LPAR1: variants seen among roughly 807,000 people sequenced by gnomAD.
LPAR1 encodes lysophosphatidic acid receptor 1, also known as LPA receptor 1.
In LPAR1, 5 loss-of-function variants were observed where a neutral mutation model predicts 23.8. The observed-to-expected ratio is 0.21, with a 90% CI of 0.11 to 0.44. The LOEUF is 0.44. Ranked by LOEUF, LPAR1 falls within the 20% of genes least tolerant of loss-of-function variation. The pLI is 0.99. For missense variants in LPAR1, 311 were observed against 482.8 expected, an observed-to-expected ratio of 0.64 and a Z score of 3.33; for synonymous variants, 160 against 164.7, an observed-to-expected ratio of 0.97 and a Z score of 0.22.
intron 5 of LPAR1, among the ~76,000 whole-genome samples, chr9:110,932,533 A>T (rs2094473040): frequency 6.6e-6 from 1 of 152,216 alleles, no homozygotes. Flanking sequence ...GAAACAGAAT[A>T]ACAGAATGGT....
chr9:111,032,138 T>G (rs890274146), intron 2 of LPAR1, among the ~76,000 whole-genome samples: 2 of 152,192 alleles, frequency 1.3e-5, no homozygotes, highest in Non-Finnish European at 2.9e-5. Context: ...AAATGAAAAC[T>G]AGAATTACCA....
At chr9:111,035,684 TC>T (rs2097880512) in intron 2 of LPAR1, among the ~76,000 whole-genome samples, 1 of 152,286 alleles carries the variant, frequency 6.6e-6, no homozygotes, top group Admixed American at 6.5e-5. Context: ...TAAATAATGT[TC>T]CTCAAGGGTG....
chr9:110,884,213 C>T (rs1254262042), intron 5 of LPAR1, among the ~76,000 whole-genome samples: 1 of 152,102 alleles, frequency 6.6e-6, no homozygotes, highest in African/African-American at 2.4e-5. Flanking sequence ...ATCACAATCC[C>T]CCTAACCATG....
intron 2 of LPAR1, among the ~76,000 whole-genome samples, chr9:111,016,179 A>G (rs2097441461): frequency 6.6e-6 from 1 of 152,148 alleles, no homozygotes; most frequent in African/African-American, 2.4e-5. Flanking sequence ...TTCCCCACCC[A>G]GATTAATCAC....
intron 4 of LPAR1, among the ~76,000 whole-genome samples, chr9:110,969,231 G>A (rs531275508): frequency 6.6e-6 from 1 of 152,116 alleles, no homozygotes; most frequent in African/African-American, 2.4e-5. Flanking sequence ...TGTTAAGAAT[G>A]TATGTTCTAG....
At chr9:110,895,437 G>A (rs950942899) in intron 5 of LPAR1, among the ~76,000 whole-genome samples, 5 of 152,254 alleles carry the variant, frequency 3.3e-5, no homozygotes, top group African/African-American at 4.8e-5. Context: ...ATTGCAGCAC[G>A]GGGCCCCCTA....
chr9:110,929,182 T>C (rs559776450), intron 5 of LPAR1, among the ~76,000 whole-genome samples: 32 of 152,298 alleles, frequency 2.1e-4, no homozygotes, highest in African/African-American at 7.7e-4. Flanking sequence ...ATCATTATAA[T>C]AACTCCTCTA....
intron 1 of LPAR1, among the ~76,000 whole-genome samples, chr9:111,037,233 AT>A (rs771270637): frequency 5.9e-5 from 9 of 152,318 alleles, no homozygotes; most frequent in African/African-American, 1.9e-4. Context: ...CATTTTCAAT[AT>A]TTATGTTTAC....
intron 5 of LPAR1, among the ~76,000 whole-genome samples, chr9:110,911,960 G>A (rs527482998): frequency 1.1e-4 from 16 of 152,136 alleles, no homozygotes; most frequent in South Asian, 2.1e-4. Flanking sequence ...ACGGCCAGCC[G>A]GAAAGCAGAA....
intron 5 of LPAR1, among the ~76,000 whole-genome samples, chr9:110,882,411 T>C (rs2081133876): frequency 6.6e-6 from 1 of 152,178 alleles, no homozygotes; most frequent in African/African-American, 2.4e-5. Flanking sequence ...TAAGTAGAAA[T>C]GTCATTAAAT....
At chr9:110,946,681 C>T (rs80306961) in intron 4 of LPAR1, among the ~76,000 whole-genome samples, 3,693 of 148,934 alleles carry the variant, frequency 0.025, 135 homozygotes, top group African/African-American at 0.09. Flanking sequence ...AAAATAAATA[C>T]ACACACACAC....
At chr9:111,034,444 A>C (rs1006803601) in intron 2 of LPAR1, among the ~76,000 whole-genome samples, 15 of 152,238 alleles carry the variant, frequency 9.9e-5, no homozygotes, top group African/African-American at 3.1e-4. Context: ...CTGTGCCTGC[A>C]GAATGACTTC....
chr9:110,934,093 G>A (rs187000432), intron 5 of LPAR1, among the ~76,000 whole-genome samples: 94 of 152,302 alleles, frequency 6.2e-4, no homozygotes, highest in Middle Eastern at 3.4e-3. Context: ...ATGGATATTC[G>A]CTCAGGTTCT....
intron 5 of LPAR1, among the ~76,000 whole-genome samples, chr9:110,889,284 G>A (rs2083355721): frequency 6.6e-6 from 1 of 152,142 alleles, no homozygotes; most frequent in South Asian, 2.1e-4. Flanking sequence ...TGTGAAGCCG[G>A]GAGGCGGAGC....
chr9:111,019,288 T>C lies in LPAR1; in HGVS notation c.-182+16834A>G, dbSNP rs572631363. ...AGCCTGGTCAACATCGCAAGACACC[T>C]TCTCTATTAAAAATAATAATAATAG... On this transcript the variant is annotated intron_variant, in intron 2 of 5. Transcript: ENST00000683809. Among the ~76,000 whole-genome samples the C allele has an allele frequency of 7.9e-5, 12 of 152,266 alleles. No individual in the cohort carries two copies. In the South Asian group the frequency reaches 2.3e-3, roughly 29 times the overall value.
chr9:110,884,232 T>A (rs1194283173), intron 5 of LPAR1, among the ~76,000 whole-genome samples: 1 of 152,154 alleles, frequency 6.6e-6, no homozygotes, highest in African/African-American at 2.4e-5. Context: ...TGGGCCTTTG[T>A]ACGTGTTTGC....
At chr9:111,023,320 G>T (rs1027595588) in intron 2 of LPAR1, among the ~76,000 whole-genome samples, 2 of 152,026 alleles carry the variant, frequency 1.3e-5, no homozygotes, top group African/African-American at 2.4e-5. Flanking sequence ...TTTCTTCCAT[G>T]ACTCTGCAAT....
At chr9:110,977,184 T>C (rs1186624518) in intron 2 of LPAR1, among the ~76,000 whole-genome samples, 1 of 152,126 alleles carries the variant, frequency 6.6e-6, no homozygotes, top group Non-Finnish European at 1.5e-5. Flanking sequence ...ATGATACCCC[T>C]AGTTTAGAGC....
At chr9:110,926,137 G>T (rs972792872) in intron 5 of LPAR1, among the ~76,000 whole-genome samples, 1 of 152,100 alleles carries the variant, frequency 6.6e-6, no homozygotes, top group African/African-American at 2.4e-5. Context: ...AGCCAGGATG[G>T]TCTCGATCTC....
Sources: gnomAD v4.1 joint callset for allele counts (sites outside exome capture counted in the v4.1 genomes callset) on GRCh38, gnomAD v4.1.1 for gene constraint, MANE v1.5 for transcripts, NCBI Gene and HGNC (gene_info 2026-07-23, HGNC 2026-07-21) for gene names.